HDAC2: variants seen among roughly 807,000 people sequenced by gnomAD.
The protein encoded by HDAC2 is histone deacetylase 2, also known as YY1-associated factor 1.
In HDAC2, 5 loss-of-function variants were observed where a neutral mutation model predicts 68.5. The ratio of observed to expected loss-of-function variants is 0.07; its 90% confidence interval spans 0.04 to 0.15. HDAC2 has a LOEUF of 0.15. Ranked by LOEUF, HDAC2 falls within the 10% of genes least tolerant of loss-of-function variation. The pLI, the probability that HDAC2 is intolerant of heterozygous loss-of-function variation, is 1.00. For synonymous variants in HDAC2, 182 were observed against 191.3 expected (o/e 0.95, Z 0.40); for missense variants, 291 against 600.8 (o/e 0.48, Z 5.39).
rs1009260863 is a variant in HDAC2, at chr6:113,937,772, A to G, written c.*3286T>C. 6.6e-6 allele frequency: 1 copy of G among 152,206 alleles called. No homozygotes were observed. The highest frequency in any genetic ancestry group is 1.5e-5 in the Non-Finnish European group (1 of 68,064). 9.4% of individuals were successfully genotyped at this position (152,206 alleles called of 1,614,324 possible). On this transcript the variant is annotated 3_prime_UTR_variant, in exon 14 of 14. Coordinates refer to ENST00000519065, the MANE Select transcript of HDAC2 (RefSeq NM_001527.4). ...GAGGCTGAGGTGGGAGAATACCCTA[A>G]GCCTAGAAGTTCTAAGATGTAGTGA...
intron 1 of HDAC2, 195 bp downstream of exon 1, chr6:113,970,662 C>T: frequency 1.5e-6 from 2 of 1,351,844 alleles, no homozygotes; most frequent in Non-Finnish European, 1.9e-6. Flanking sequence ...GATTCCCGCC[C>T]GCAGGAACCG....
intron 6 of HDAC2, 104 bp from the exon 7 acceptor site, chr6:113,949,364 C>T: frequency 2.9e-6 from 2 of 693,618 alleles, no homozygotes; most frequent in Admixed American, 5.3e-5. Context: ...TATTAAGGAT[C>T]CAATTTTGAA....
intron 1 of HDAC2, 94 bp from the exon 2 acceptor site, chr6:113,960,112 C>T: frequency 2.8e-6 from 2 of 709,170 alleles, no homozygotes; most frequent in South Asian, 1.6e-5. Context: ...AAGGCATTTA[C>T]TACTTAACAA....
At chr6:113,944,170 A>G (rs370644482) in intron 11 of HDAC2, 110 bp downstream of exon 11, 1 of 962,504 alleles carries the variant, frequency 1.0e-6, no homozygotes, top group Non-Finnish European at 1.6e-6. Flanking sequence ...AAATGACAAT[A>G]TTAACAGTGT....
At chr6:113,952,030 A>G (rs1407148777) in intron 6 of HDAC2, among the ~76,000 whole-genome samples, 3 of 152,166 alleles carry the variant, frequency 2.0e-5, no homozygotes, top group Non-Finnish European at 4.4e-5. Context: ...CTTGACTTCC[A>G]CTAGGATGTA....
intron 12 of HDAC2, among the ~76,000 whole-genome samples, chr6:113,942,764 G>A (rs1043870982): frequency 1.1e-4 from 16 of 152,124 alleles, no homozygotes; most frequent in African/African-American, 3.6e-4. Context: ...AACAGATTCC[G>A]GTAGCAAATT....
At chr6:113,954,359 A>G (rs1776495834) in intron 5 of HDAC2, among the ~76,000 whole-genome samples, 1 of 152,252 alleles carries the variant, frequency 6.6e-6, no homozygotes, top group Admixed American at 6.5e-5. Flanking sequence ...TATAAACAGC[A>G]TACCATAGTA....
intron 6 of HDAC2, among the ~76,000 whole-genome samples, chr6:113,951,977 G>A (rs1776430147): frequency 6.6e-6 from 1 of 152,184 alleles, no homozygotes; most frequent in East Asian, 1.9e-4. Flanking sequence ...ACACTGCAAA[G>A]ATACTGTCTT....
In HDAC2 at chr6:113,937,723, A is replaced by G. The variant is rs1776035372; in HGVS notation, c.*3335T>C. Reference sequence around the variant, plus strand: ...AAAAATCAGCTAGGTGTGATGGTGCACACTTGTAGTCCCAGCTACTTGGGA... The same window carrying G: ...AAAAATCAGCTAGGTGTGATGGTGCGCACTTGTAGTCCCAGCTACTTGGGA... On this transcript the variant is annotated 3_prime_UTR_variant, in exon 14 of 14. Coordinates refer to ENST00000519065, the MANE Select transcript of HDAC2 (RefSeq NM_001527.4). 6.6e-6 allele frequency: 1 copy of G among 152,264 alleles called. No individual in the cohort carries two copies. Among genetic ancestry groups the G allele is most frequent in the African/African-American group, 2.4e-5 (1 of 41,410 alleles). The allele number at this position is 152,264 out of a possible 1,614,324, so 9.4% of individuals were successfully genotyped here. A position where few individuals can be genotyped will look rare whatever the true frequency, so the allele number is the denominator to read the frequency against.
chr6:113,950,392 G>GT (rs1776381845), intron 6 of HDAC2, among the ~76,000 whole-genome samples: 1 of 149,132 alleles, frequency 6.7e-6, no homozygotes, highest in Non-Finnish European at 1.5e-5. Context: ...GTTTTTTTTT[G>GT]TTTTTTGAGA....
At chr6:113,959,595 G>GT (rs1776632141) in intron 2 of HDAC2, 1 of 72,986 alleles carries the variant, frequency 1.4e-5, no homozygotes, top group Non-Finnish European at 2.5e-5. Flanking sequence ...AACAATTATT[G>GT]TAAAAAAAAA....
At chr6:113,941,792 A>G (rs752188955) in intron 12 of HDAC2, 27 bp from the exon 13 acceptor site, 39 of 928,976 alleles carry the variant, frequency 4.2e-5, no homozygotes, top group Non-Finnish European at 5.7e-5. Flanking sequence ...GGAAAAGATT[A>G]AAACCTATTT....
At chr6:113,955,206 T>C (rs895079846) in intron 5 of HDAC2, among the ~76,000 whole-genome samples, 13 of 152,232 alleles carry the variant, frequency 8.5e-5, no homozygotes, top group South Asian at 2.1e-4. Context: ...GACATTTATA[T>C]ACACTTCTAA....
intron 10 of HDAC2, 118 bp downstream of exon 10, chr6:113,945,244 T>A (rs955947823): frequency 2.1e-6 from 1 of 475,092 alleles, no homozygotes; most frequent in South Asian, 4.6e-5. Flanking sequence ...TTCAAATCCT[T>A]TAGAAAAAAA....
intron 9 of HDAC2, among the ~76,000 whole-genome samples, 174 bp downstream of exon 9, chr6:113,945,834 G>A (rs1478934481): frequency 6.6e-6 from 1 of 152,202 alleles, no homozygotes; most frequent in South Asian, 2.1e-4. Flanking sequence ...TTCTGAGCAC[G>A]TTTAAAGTAG....
intron 1 of HDAC2, among the ~76,000 whole-genome samples, chr6:113,960,341 C>A (rs1311385864): frequency 1.7e-4 from 26 of 151,968 alleles, no homozygotes; most frequent in Admixed American, 1.7e-3. Context: ...TATTCTCTGG[C>A]AAATTCACAT....
intron 1 of HDAC2, chr6:113,970,525 G>A: frequency 2.6e-5 from 31 of 1,193,552 alleles, no homozygotes; most frequent in Non-Finnish European, 3.1e-5. Context: ...AGAATGGGCC[G>A]CCCCCTTCGC....
chr6:113,944,364 C>T lies in HDAC2; in HGVS notation c.1138G>A (p.Val380Ile). Residue 380 changes from valine to isoleucine, a missense_variant, in exon 11 of 14, where the codon GTC (valine) becomes ATC (isoleucine). Physicochemically the swap from Val to Ile is conservative, Grantham distance 29. Coordinates refer to ENST00000519065, the MANE Select transcript of HDAC2 (RefSeq NM_001527.4). ...NLRMLPHAPG[V>I]QMQAIPEDAV... ...TCTTCTGGAATAGCTTGCATCTGGA[C>T]ACCAGGTGCATGAGGTAACATGCGC... 1.2e-6 allele frequency: 2 copies of T among 1,608,972 alleles called. No individual in the cohort carries two copies. The highest frequency in any genetic ancestry group is 1.1e-5 in the South Asian group (1 of 90,972).
At position 113,935,951 on chromosome 6, in the gene HDAC2, C is replaced by A. The variant is rs955917880; in HGVS notation, c.*5107G>T. On this transcript the variant is annotated 3_prime_UTR_variant, in exon 14 of 14. Coordinates refer to ENST00000519065, the MANE Select transcript of HDAC2 (RefSeq NM_001527.4). ...TAATTCCTAGAAATAAATTTCAATT[C>A]TTTCCCATTCTGTATACTAACTGAT... is the stretch of plus-strand genomic sequence containing the variant. The A allele has an allele frequency of 6.6e-6, 1 of 152,156 alleles. No individual in the cohort carries two copies. The highest frequency in any genetic ancestry group is 2.4e-5 in the African/African-American group (1 of 41,448). The allele number at this position is 152,156 out of a possible 1,614,324, so 9.4% of individuals were successfully genotyped here. A position where few individuals can be genotyped will look rare whatever the true frequency, so the allele number is the denominator to read the frequency against.
Sources: allele counts gnomAD v4.1 joint callset (sites outside exome capture counted in the v4.1 genomes callset), GRCh38; gene constraint gnomAD v4.1.1; transcripts MANE v1.5; gene names NCBI Gene and HGNC (gene_info 2026-07-23, HGNC 2026-07-21).